MSL2: variants seen among roughly 807,000 people sequenced by gnomAD.
The protein encoded by MSL2 is MSL complex subunit 2.
Under a neutral mutation model 35.8 loss-of-function variants are expected in MSL2, and 2 were observed. The ratio of observed to expected loss-of-function variants is 0.06; its 90% CI spans 0.02 to 0.18. The LOEUF (loss-of-function observed/expected upper bound fraction) is 0.18. MSL2 is among the 10% of genes least tolerant of loss of function. The pLI is 1.00. For missense variants in MSL2, 523 were observed against 706.7 expected (o/e 0.74, Z 2.95); for synonymous variants, 296 against 255.7 (o/e 1.16, Z -1.50).
At chr3:136,192,526 G>A (rs1440735958) in intron 1 of MSL2, among the ~76,000 whole-genome samples, 4 of 152,022 alleles carry the variant, frequency 2.6e-5, no homozygotes, top group Admixed American at 2.0e-4. Flanking sequence ...AGGGAGTTGA[G>A]TTAGGCCTTT....
chr3:136,187,814 T>A (rs955086448), intron 1 of MSL2, among the ~76,000 whole-genome samples: 2 of 152,190 alleles, frequency 1.3e-5, no homozygotes, highest in Admixed American at 1.3e-4. Flanking sequence ...GATAGGCAGT[T>A]AAAATGCAGA....
intron 1 of MSL2, among the ~76,000 whole-genome samples, chr3:136,172,344 T>C (rs1940050068): frequency 6.6e-6 from 1 of 152,082 alleles, no homozygotes; most frequent in African/African-American, 2.4e-5. Flanking sequence ...CCTCCAATGC[T>C]TTGGCTCACA....
chr3:136,169,377 C>CA (rs1939953619), intron 1 of MSL2, among the ~76,000 whole-genome samples: 1 of 152,008 alleles, frequency 6.6e-6, no homozygotes, highest in African/African-American at 2.4e-5. Flanking sequence ...TCCATCACCT[C>CA]AAACATTTAT....
intron 1 of MSL2, among the ~76,000 whole-genome samples, chr3:136,165,605 A>T (rs1222549574): frequency 1.3e-5 from 2 of 152,220 alleles, no homozygotes; most frequent in Non-Finnish European, 2.9e-5. Context: ...TTTATTATGG[A>T]GACTTTCAAA....
At chr3:136,180,093 T>C (rs116449608) in intron 1 of MSL2, among the ~76,000 whole-genome samples, 493 of 151,994 alleles carry the variant, frequency 3.2e-3, no homozygotes, top group Middle Eastern at 0.017. Flanking sequence ...AAAAATAAAA[T>C]GGCATGCCCT....
intron 1 of MSL2, among the ~76,000 whole-genome samples, chr3:136,171,809 G>C (rs549012681): frequency 6.6e-6 from 1 of 152,298 alleles, no homozygotes; most frequent in African/African-American, 2.4e-5. Flanking sequence ...CCTTGCATTT[G>C]GGTATAATTA....
chr3:136,168,585 G>C (rs1043173210), intron 1 of MSL2, among the ~76,000 whole-genome samples: 1 of 152,084 alleles, frequency 6.6e-6, no homozygotes, highest in African/African-American at 2.4e-5. Context: ...TACAAGGAGG[G>C]GAACATCACA....
intron 1 of MSL2, among the ~76,000 whole-genome samples, chr3:136,153,423 G>GA (rs1008937013): frequency 3.1e-4 from 47 of 151,482 alleles, no homozygotes; most frequent in African/African-American, 1.1e-3. Flanking sequence ...TATCTTCACA[G>GA]AAAAAAAAAT....
At chr3:136,168,258 T>C (rs1466645403) in intron 1 of MSL2, among the ~76,000 whole-genome samples, 1 of 151,668 alleles carries the variant, frequency 6.6e-6, no homozygotes, top group Admixed American at 6.6e-5. Flanking sequence ...AGAAAAAGAA[T>C]TAAAAATGAC....
At chr3:136,153,571 T>C (rs1939434016) in intron 1 of MSL2, among the ~76,000 whole-genome samples, 1 of 152,016 alleles carries the variant, frequency 6.6e-6, no homozygotes, top group Non-Finnish European at 1.5e-5. Flanking sequence ...GCGGATCACC[T>C]GAGGTCAGGA....
intron 1 of MSL2, among the ~76,000 whole-genome samples, chr3:136,189,738 A>C (rs1288866680): frequency 1.3e-5 from 2 of 151,002 alleles, no homozygotes; most frequent in Admixed American, 1.3e-4. Context: ...AAAAAAAAAA[A>C]AGAATTCTTC....
intron 1 of MSL2, among the ~76,000 whole-genome samples, chr3:136,173,746 T>A (rs1042870004): frequency 1.3e-5 from 2 of 152,210 alleles, no homozygotes; most frequent in Non-Finnish European, 2.9e-5. Flanking sequence ...TGCCTTTCTC[T>A]TGAAAACCCT....
chr3:136,149,985 A>T lies in MSL2; in HGVS notation c.*1162T>A, dbSNP rs142125087. On this transcript the variant is annotated 3_prime_UTR_variant, in exon 2 of 2. Transcript: ENST00000309993. ...GCAACTGACTAGATTTCCCTTCAAC[A>T]GAATGTTTGTGACTCACTTGTCTTC... 7.4e-4 allele frequency: 113 copies of T among 152,766 alleles called. No individual in the cohort carries two copies. The highest frequency in any genetic ancestry group is 6.5e-3 in the Admixed American group (99 of 15,298). The allele number at this position is 152,766 out of a possible 1,614,324, so 9.5% of individuals were successfully genotyped here.
intron 1 of MSL2, among the ~76,000 whole-genome samples, chr3:136,175,389 CAA>C (rs1214085704): frequency 3.3e-5 from 5 of 151,058 alleles, no homozygotes; most frequent in African/African-American, 1.2e-4. Context: ...TCACTGATGT[CAA>C]AAGTCTGAGA....
chr3:136,172,016 T>G (rs941248840), intron 1 of MSL2, among the ~76,000 whole-genome samples: 1 of 152,158 alleles, frequency 6.6e-6, no homozygotes, highest in Non-Finnish European at 1.5e-5. Context: ...CTCAGCCTTC[T>G]GCGTAGGTGG....
intron 1 of MSL2, among the ~76,000 whole-genome samples, chr3:136,191,168 G>C (rs928589996): frequency 3.9e-5 from 6 of 152,070 alleles, no homozygotes; most frequent in African/African-American, 1.4e-4. Context: ...TGTTCTCATG[G>C]GTTCAAAAAC....
rs1442935533 is a variant in MSL2, at chr3:136,151,805, G to C, written c.1076C>G (p.Thr359Ser). 6.2e-7 allele frequency: 1 copy of C among 1,614,188 alleles called. No homozygotes were observed. Among genetic ancestry groups the C allele is most frequent in the Non-Finnish European group, 8.5e-7 (1 of 1,180,034 alleles). ...SEKVQPLPIS[T>S]IIRGPTLGAS... Reference sequence around the variant, plus strand: ...CCCCAGTGTTGGGCCTCGGATAATGGTAGAAATTGGAAGTGGCTGAACTTT... The same window carrying C: ...CCCCAGTGTTGGGCCTCGGATAATGCTAGAAATTGGAAGTGGCTGAACTTT... The change falls in exon 2 of 2, where the codon ACC becomes AGC. Residue 359 changes from threonine (T) to serine (S), a missense_variant. Coordinates refer to ENST00000309993, the MANE Select transcript of MSL2 (RefSeq NM_018133.4). The surrounding 1 kb of genome is among the most constrained non-coding windows in gnomAD (Gnocchi z 5.2).
In MSL2 at chr3:136,195,594, C is replaced by G; in HGVS notation, c.-481G>C. 8 of 987,264 alleles carry G rather than the reference C, an allele frequency of 8.1e-6. No individual in the cohort carries two copies. The highest frequency in any genetic ancestry group is 9.6e-6 in the Non-Finnish European group (8 of 831,180). 61.2% of individuals were successfully genotyped at this position (987,264 alleles called of 1,614,324 possible). On this transcript the variant is annotated 5_prime_UTR_variant, in exon 1 of 2. Coordinates refer to ENST00000309993, the MANE Select transcript of MSL2 (RefSeq NM_018133.4). The stretch of plus-strand genomic sequence containing the variant: ...CAGGGCCTCTTACTCCATCCCAGTA[C>G]AGGGCGCGGAGGCGGCGGCGACGGC...
Position 136,150,876 on chromosome 3 carries a change from T to C in MSL2, c.*271A>G, listed in dbSNP as rs2108055942. 2.6e-6 allele frequency: 1 copy of C among 390,018 alleles called. No homozygotes were observed. The highest frequency in any genetic ancestry group is 7.4e-4 in the Middle Eastern group (1 of 1,354). The allele number at this position is 390,018 out of a possible 1,614,324, so 24.2% of individuals were successfully genotyped here. A position where few individuals can be genotyped will look rare whatever the true frequency, so the allele number is the denominator to read the frequency against. ...AACAATGAGGTTAATGTTATTTTTC[T>C]TGCCAAAGTTCATTTTGTATAAATC... On this transcript the variant is annotated 3_prime_UTR_variant, in exon 2 of 2. Transcript: ENST00000309993.
Sources: allele counts gnomAD v4.1 joint callset (sites outside exome capture counted in the v4.1 genomes callset), GRCh38; gene constraint gnomAD v4.1.1; non-coding constraint Gnocchi (gnomAD v3.1); transcripts MANE v1.5; gene names NCBI Gene and HGNC (gene_info 2026-07-23, HGNC 2026-07-21).